PTPRM: variants seen among roughly 807,000 people sequenced by gnomAD.
PTPRM encodes the protein receptor-type tyrosine-protein phosphatase mu.
In PTPRM, 47 loss-of-function variants were observed where a neutral mutation model predicts 186.7. That is an observed-to-expected ratio of 0.25 (90% CI 0.20 to 0.32). The LOEUF (loss-of-function observed/expected upper bound fraction) is 0.32, where lower values mean the gene tolerates loss of function less well. Among genes scored for constraint, PTPRM ranks in the 10% least tolerant of loss-of-function variants. The pLI, the probability that PTPRM is intolerant of heterozygous loss-of-function variation, is 1.00. For missense variants in PTPRM, 1,494 were observed against 1,865.0 expected, an observed-to-expected ratio of 0.80 and a Z score of 3.66; for synonymous variants, 668 against 674.9, an observed-to-expected ratio of 0.99 and a Z score of 0.16.
chr18:8,245,795 A>C (rs764803247), intron 15 of PTPRM, among the ~76,000 whole-genome samples: 2 of 152,194 alleles, frequency 1.3e-5, no homozygotes, highest in African/African-American at 4.8e-5. Context: ...AGAATCACTC[A>C]TCCCAAAAGC....
chr18:7,666,703 A>G (rs1446080), intron 1 of PTPRM, among the ~76,000 whole-genome samples: 43,884 of 152,108 alleles, frequency 0.29, 8,571 homozygotes, highest in African/African-American at 0.54. Context: ...TTTTGTCTAA[A>G]CATTTTTGTT....
At chr18:8,373,295 A>G (rs2095674937) in intron 24 of PTPRM, among the ~76,000 whole-genome samples, 1 of 152,230 alleles carries the variant, frequency 6.6e-6, no homozygotes, top group Non-Finnish European at 1.5e-5. Context: ...CGAGGGACCT[A>G]AAGGTGAAAG....
At position 7,859,755 on chromosome 18, in the gene PTPRM, T is replaced by C. The variant is rs570136225; in HGVS notation, c.197-28351T>C. On this transcript the variant is annotated intron_variant, in intron 2 of 32. Transcript: ENST00000580170. ...AGACCAGAGCTAGTAGAAATTCTGC[T>C]CCCATGGTGGACTGTGTGCAGATTC... Among the ~76,000 whole-genome samples the C allele has an allele frequency of 7.9e-5, 12 of 152,288 alleles. No individual in the cohort carries two copies. The East Asian group carries it at 2.3e-3, about 29-fold the overall frequency.
chr18:7,777,853 AAT>A (rs1318502399), intron 2 of PTPRM, among the ~76,000 whole-genome samples: 1 of 152,162 alleles, frequency 6.6e-6, no homozygotes, highest in Non-Finnish European at 1.5e-5. Context: ...CTAATAAGTG[AAT>A]AATTCATCAA....
chr18:7,630,078 A>T (rs892382553), intron 1 of PTPRM, among the ~76,000 whole-genome samples: 11 of 152,080 alleles, frequency 7.2e-5, no homozygotes, highest in Non-Finnish European at 1.6e-4. Flanking sequence ...TTTTGAACGA[A>T]TGGAAATTGA....
intron 5 of PTPRM, among the ~76,000 whole-genome samples, chr18:7,940,956 C>T (rs576795192): frequency 2.0e-5 from 3 of 151,974 alleles, no homozygotes; most frequent in African/African-American, 7.2e-5. Flanking sequence ...AGTGCAGATG[C>T]CTTTATGAAA....
chr18:7,603,149 C>T (rs903357753), intron 1 of PTPRM, among the ~76,000 whole-genome samples: 2 of 151,872 alleles, frequency 1.3e-5, no homozygotes, highest in African/African-American at 4.8e-5. Context: ...GGGATGGTCT[C>T]GATCTCCTGG....
chr18:8,229,775 GTATAA>G (rs1299333041), intron 14 of PTPRM, among the ~76,000 whole-genome samples: 1 of 151,954 alleles, frequency 6.6e-6, no homozygotes, highest in African/African-American at 2.4e-5. Context: ...TATTATATTT[GTATAA>G]TATGACTATT....
chr18:7,781,445 A>AT (rs1034020980), intron 2 of PTPRM, among the ~76,000 whole-genome samples: 33 of 151,900 alleles, frequency 2.2e-4, no homozygotes, highest in Admixed American at 1.2e-3. Context: ...AAATACACTG[A>AT]TTTTTTTTCT....
intron 14 of PTPRM, among the ~76,000 whole-genome samples, chr18:8,235,021 T>G (rs1176920211): frequency 6.6e-6 from 1 of 152,168 alleles, no homozygotes; most frequent in African/African-American, 2.4e-5. Context: ...TCTGTTTTCA[T>G]GAGAAATTAT....
intron 1 of PTPRM, among the ~76,000 whole-genome samples, chr18:7,750,301 C>G (rs1292559091): frequency 6.6e-6 from 1 of 152,182 alleles, no homozygotes; most frequent in Non-Finnish European, 1.5e-5. Flanking sequence ...CAAGTGATTT[C>G]TAAGCCTCTT....
chr18:7,802,164 A>G (rs558871458), intron 2 of PTPRM, among the ~76,000 whole-genome samples: 1 of 152,032 alleles, frequency 6.6e-6, no homozygotes, highest in Non-Finnish European at 1.5e-5. Flanking sequence ...TTCACTTGCC[A>G]CTTGTTTCCT....
chr18:7,876,124 G>T (rs1361286036), intron 2 of PTPRM, among the ~76,000 whole-genome samples: 1 of 151,952 alleles, frequency 6.6e-6, no homozygotes, highest in Non-Finnish European at 1.5e-5. Context: ...GACTGTGTGT[G>T]TGTGTGTGTG....
At chr18:7,976,680 G>A (rs1703372743) in intron 7 of PTPRM, among the ~76,000 whole-genome samples, 1 of 152,182 alleles carries the variant, frequency 6.6e-6, no homozygotes, top group Admixed American at 6.5e-5. Context: ...ACGAACTGTG[G>A]AAGACTAAAT....
At chr18:8,299,596 CA>C (rs60540859) in intron 20 of PTPRM, among the ~76,000 whole-genome samples, 2 of 142,682 alleles carry the variant, frequency 1.4e-5, no homozygotes, top group Non-Finnish European at 3.0e-5. Flanking sequence ...CTCAAAAAAA[CA>C]AAAAAAAAGG....
At chr18:7,852,977 T>C (rs558693691) in intron 2 of PTPRM, among the ~76,000 whole-genome samples, 9 of 152,248 alleles carry the variant, frequency 5.9e-5, no homozygotes, top group African/African-American at 2.2e-4. Flanking sequence ...AAACTTAATA[T>C]CCAAAAATAG....
intron 1 of PTPRM, among the ~76,000 whole-genome samples, chr18:7,756,565 C>G (rs1227830717): frequency 2.0e-5 from 3 of 152,150 alleles, no homozygotes; most frequent in Non-Finnish European, 4.4e-5. Context: ...CTATAAAATT[C>G]AAGGATGACA....
chr18:7,666,725 C>T (rs1010244607), intron 1 of PTPRM, among the ~76,000 whole-genome samples: 15 of 152,274 alleles, frequency 9.9e-5, no homozygotes, highest in Middle Eastern at 6.8e-3. Flanking sequence ...TTATTTATCC[C>T]CTTCAAGCAA....
At chr18:8,331,788 T>C (rs765373773) in intron 22 of PTPRM, among the ~76,000 whole-genome samples, 7 of 152,226 alleles carry the variant, frequency 4.6e-5, no homozygotes, top group Non-Finnish European at 8.8e-5. Context: ...TGTTCACTGT[T>C]AAACTGTAGA....
Sources: allele counts gnomAD v4.1 joint callset (sites outside exome capture counted in the v4.1 genomes callset), GRCh38; gene constraint gnomAD v4.1.1; transcripts MANE v1.5; gene names NCBI Gene and HGNC (gene_info 2026-07-23, HGNC 2026-07-21).